The following EYA4 variants were observed in gnomAD, a reference collection of about 807,000 sequenced individuals.
EYA4 encodes the protein protein phosphatase EYA4.
A neutral mutation model predicts 87.9 loss-of-function variants in EYA4; 31 were observed. The observed-to-expected ratio is 0.35, with a 90% CI of 0.27 to 0.48. The LOEUF (loss-of-function observed/expected upper bound fraction) is 0.48. EYA4 is among the 20% of genes least tolerant of loss of function. The pLI, the probability that EYA4 is intolerant of heterozygous loss-of-function variation, is 0.99. For missense variants in EYA4, 678 were observed against 761.4 expected (o/e 0.89, Z 1.29); for synonymous variants, 263 against 270.6 (o/e 0.97, Z 0.28).
At chr6:133,487,833 T>A (rs1251798071) in intron 13 of EYA4, among the ~76,000 whole-genome samples, 2 of 152,132 alleles carry the variant, frequency 1.3e-5, no homozygotes, top group African/African-American at 4.8e-5. Context: ...GAGGGACTCC[T>A]TTTACTTGAG....
chr6:133,325,429 T>A (rs9493593), intron 2 of EYA4: 123,091 of 152,066 alleles, frequency 0.81, 50,061 homozygotes, highest in African/African-American at 0.87. Flanking sequence ...ACGTATCCAT[T>A]GGGAGGGAAA....
At chr6:133,288,190 T>C (rs402020) in intron 2 of EYA4, among the ~76,000 whole-genome samples, 118,058 of 152,056 alleles carry the variant, frequency 0.78, 46,864 homozygotes, top group African/African-American at 0.94. Flanking sequence ...TGAAAACAGC[T>C]GTAGACATTA....
At chr6:133,391,976 A>G (rs1787339133) in intron 3 of EYA4, among the ~76,000 whole-genome samples, 6 of 152,152 alleles carry the variant, frequency 3.9e-5, no homozygotes, top group Admixed American at 3.9e-4. Context: ...ATGGCTATTC[A>G]TTTTACTACT....
chr6:133,505,968 CTG>C, intron 13 of EYA4, 136 bp from the exon 14 acceptor site: 1 of 664,738 alleles, frequency 1.5e-6, no homozygotes. Flanking sequence ...TTTTGGAAAA[CTG>C]AGAAATCTTT....
At chr6:133,495,187 T>G (rs1797533064) in intron 13 of EYA4, among the ~76,000 whole-genome samples, 1 of 151,962 alleles carries the variant, frequency 6.6e-6, no homozygotes, top group Admixed American at 6.6e-5. Context: ...CAGAATCGCC[T>G]GAACCCCAGA....
At chr6:133,393,973 A>G (rs1278998464) in intron 3 of EYA4, among the ~76,000 whole-genome samples, 3 of 152,218 alleles carry the variant, frequency 2.0e-5, no homozygotes, top group Non-Finnish European at 4.4e-5. Flanking sequence ...TTTGATTTGT[A>G]AAGGTACAGA....
intron 11 of EYA4, 147 bp downstream of exon 11, chr6:133,468,878 A>C (rs1327432010): frequency 2.5e-6 from 2 of 813,044 alleles, no homozygotes; most frequent in African/African-American, 3.4e-5. Context: ...GTGTAAGACG[A>C]GGCTCTTCTG....
intron 3 of EYA4, among the ~76,000 whole-genome samples, chr6:133,436,846 A>T (rs1791731849): frequency 6.6e-6 from 1 of 152,224 alleles, no homozygotes; most frequent in African/African-American, 2.4e-5. Flanking sequence ...CTTATAAATA[A>T]GCAGGATCAT....
At chr6:133,487,871 T>A (rs1796812385) in intron 13 of EYA4, among the ~76,000 whole-genome samples, 1 of 152,156 alleles carries the variant, frequency 6.6e-6, no homozygotes, top group African/African-American at 2.4e-5. Flanking sequence ...TAAAGGGGAC[T>A]TCCTCTTGCA....
chr6:133,508,479 A>G (rs886559122), intron 14 of EYA4, among the ~76,000 whole-genome samples: 11 of 152,148 alleles, frequency 7.2e-5, no homozygotes, highest in African/African-American at 2.7e-4. Flanking sequence ...GGATCTTAAT[A>G]TTATTAGTCT....
intron 13 of EYA4, chr6:133,502,473 C>T (rs1298916207): frequency 6.6e-6 from 1 of 152,152 alleles, no homozygotes; most frequent in African/African-American, 2.4e-5. Flanking sequence ...TTCATTCTCA[C>T]ATGCCTGATA....
intron 2 of EYA4, among the ~76,000 whole-genome samples, chr6:133,349,501 G>A (rs114793232): frequency 0.033 from 5,031 of 152,220 alleles, 239 homozygotes; most frequent in African/African-American, 0.11. Flanking sequence ...TGAAAGAATG[G>A]CATTTGAGTT....
At chr6:133,469,862 A>T (rs1395898294) in intron 11 of EYA4, among the ~76,000 whole-genome samples, 2 of 152,056 alleles carry the variant, frequency 1.3e-5, no homozygotes, top group Non-Finnish European at 2.9e-5. Flanking sequence ...AAAAATTGTA[A>T]AGAACTTTTG....
intron 3 of EYA4, among the ~76,000 whole-genome samples, chr6:133,445,254 A>AT (rs1792698649): frequency 6.6e-6 from 1 of 152,186 alleles, no homozygotes; most frequent in Non-Finnish European, 1.5e-5. Flanking sequence ...GTCACATATT[A>AT]TATAAGTCCC....
intron 13 of EYA4, among the ~76,000 whole-genome samples, chr6:133,483,880 T>G (rs1311697356): frequency 6.6e-6 from 1 of 151,770 alleles, no homozygotes; most frequent in Non-Finnish European, 1.5e-5. Context: ...CCCGCCACCA[T>G]GCCTGGCTAA....
chr6:133,289,313 A>G (rs1562251941), intron 2 of EYA4, among the ~76,000 whole-genome samples: 1 of 152,228 alleles, frequency 6.6e-6, no homozygotes, highest in Non-Finnish European at 1.5e-5. Flanking sequence ...TGTCCAGGCA[A>G]GATCAGGAAG....
intron 1 of EYA4, among the ~76,000 whole-genome samples, chr6:133,249,927 A>G (rs1250297212): frequency 2.6e-5 from 4 of 152,224 alleles, no homozygotes; most frequent in Non-Finnish European, 5.9e-5. Context: ...GATTAGCTGT[A>G]TTTGTCATTT....
At chr6:133,294,015 G>A (rs1436447051) in intron 2 of EYA4, among the ~76,000 whole-genome samples, 1 of 67,978 alleles carries the variant, frequency 1.5e-5, no homozygotes, top group East Asian at 3.6e-4. Flanking sequence ...GTGCTCCCTA[G>A]GGTGATTTTA....
intron 13 of EYA4, among the ~76,000 whole-genome samples, chr6:133,500,705 C>T (rs1236493475): frequency 4.6e-5 from 7 of 152,122 alleles, no homozygotes; most frequent in African/African-American, 1.7e-4. Flanking sequence ...GCTCCCTCAC[C>T]TACCCAAAGA....
Sources: allele counts gnomAD v4.1 joint callset (sites outside exome capture counted in the v4.1 genomes callset), GRCh38; gene constraint gnomAD v4.1.1; transcripts MANE v1.5; gene names NCBI Gene and HGNC (gene_info 2026-07-23, HGNC 2026-07-21).